CORO2A: variants seen among roughly 807,000 people sequenced by gnomAD.
The protein encoded by CORO2A is coronin-2A.
A neutral mutation model predicts 62.4 loss-of-function variants in CORO2A; 47 were observed. The observed-to-expected ratio is 0.75, with a 90% CI of 0.60 to 0.96. CORO2A has a LOEUF of 0.96. Among genes scored for constraint, CORO2A ranks in the 40% least tolerant of loss-of-function variants. The pLI is 0.00. For missense variants in CORO2A, 610 were observed against 684.1 expected (o/e 0.89, Z 1.21); for synonymous variants, 273 against 268.9 (o/e 1.02, Z -0.15).
In CORO2A at chr9:98,157,515, G is replaced by T. The variant is rs1311903625; in HGVS notation, c.146C>A (p.Ala49Glu). 3 of 1,614,214 alleles carry T rather than the reference G, an allele frequency of 1.9e-6. No homozygotes were observed. Among genetic ancestry groups the T allele is most frequent in the Non-Finnish European group, 2.5e-6 (3 of 1,180,038 alleles). Residue 49 changes from alanine to glutamate, a missense_variant, in exon 2 of 12, where the codon GCA becomes GAA. Coordinates refer to ENST00000375077, the MANE Select transcript of CORO2A (RefSeq NM_052820.4). ...TCCACCAGCACACTCAGTCACAACT[G>T]CAATGAAGTGGGGGTTCACGGCACA... ...HFCAVNPHFI[A>E]VVTECAGGGA...
chr9:98,130,588 G>A (rs1827390889), intron 7 of CORO2A, among the ~76,000 whole-genome samples: 1 of 152,260 alleles, frequency 6.6e-6, no homozygotes, highest in South Asian at 2.1e-4. Context: ...TAATGACTTG[G>A]ATGGAGGGGG....
At chr9:98,157,337 TAC>T in intron 2 of CORO2A, 121 bp downstream of exon 2, 1 of 840,404 alleles carries the variant, frequency 1.2e-6, no homozygotes, top group Non-Finnish European at 1.9e-6. Context: ...TGAAATGACT[TAC>T]TCAAGGTCAC....
intron 1 of CORO2A, among the ~76,000 whole-genome samples, chr9:98,182,922 A>C (rs1443640315): frequency 2.6e-5 from 4 of 152,250 alleles, no homozygotes; most frequent in African/African-American, 9.6e-5. Context: ...ATCTCACAAC[A>C]GATAAGCCCT....
rs530475445 is a variant in CORO2A, at chr9:98,174,013, G to A, written c.1-16353C>T. ...TGCCTGTAATCCCAGCTACTCGGGA[G>A]GGAGAATTGCTTGAACCTGGGAGGT... On this transcript the variant is annotated intron_variant, in intron 1 of 11. Coordinates refer to ENST00000375077, the MANE Select transcript of CORO2A (RefSeq NM_052820.4). 1.5e-4 allele frequency among the ~76,000 whole-genome samples: 23 copies of A among 152,290 alleles called. No individual in the cohort carries two copies. In the South Asian group the frequency reaches 3.7e-3, roughly 25 times the overall value.
Position 98,135,163 on chromosome 9 carries a change from C to T in CORO2A, c.319-208G>A, listed in dbSNP as rs931663738. On this transcript the variant is annotated intron_variant, in intron 3 of 11. Transcript: ENST00000375077. ...AGACAGGGGCTTCCCCAAGCTCCTC[C>T]AGCCTGAGCAGGGGCCAGCGCTGAC... Among the ~76,000 whole-genome samples the T allele has an allele frequency of 2.0e-5, 3 of 152,206 alleles. 1 individual carries two copies. The highest frequency in any genetic ancestry group is 4.4e-5 in the Non-Finnish European group (3 of 68,038).
chr9:98,136,653 C>T (rs750859127), intron 3 of CORO2A, among the ~76,000 whole-genome samples: 5 of 152,202 alleles, frequency 3.3e-5, no homozygotes, highest in Non-Finnish European at 7.3e-5. Flanking sequence ...CTTGCTCTGC[C>T]TCCCACAGGC....
intron 2 of CORO2A, among the ~76,000 whole-genome samples, chr9:98,142,455 G>T (rs1016508753): frequency 2.0e-5 from 3 of 152,110 alleles, no homozygotes; most frequent in African/African-American, 7.2e-5. Flanking sequence ...CCTTTCTCTG[G>T]GATCATTTCC....
At chr9:98,128,914 A>C (rs544261580) in intron 8 of CORO2A, among the ~76,000 whole-genome samples, 195 bp from the exon 9 acceptor site, 4 of 152,278 alleles carry the variant, frequency 2.6e-5, no homozygotes, top group African/African-American at 9.6e-5. Flanking sequence ...TTCACCTTCA[A>C]AGATTTAAAT....
intron 2 of CORO2A, among the ~76,000 whole-genome samples, chr9:98,143,581 C>T (rs929003993): frequency 6.6e-6 from 1 of 152,162 alleles, no homozygotes; most frequent in Non-Finnish European, 1.5e-5. Flanking sequence ...TCCTTATCTA[C>T]GAAATGACAA....
intron 5 of CORO2A, among the ~76,000 whole-genome samples, chr9:98,132,678 A>G (rs373187113): frequency 1.4e-4 from 22 of 152,342 alleles, no homozygotes; most frequent in African/African-American, 5.3e-4. Context: ...ACAGAGGCTC[A>G]GAGCAGGAAG....
intron 1 of CORO2A, among the ~76,000 whole-genome samples, chr9:98,186,285 G>C (rs2118943736): frequency 6.6e-6 from 1 of 152,238 alleles, no homozygotes; most frequent in South Asian, 2.1e-4. Flanking sequence ...GGCTGGCGGG[G>C]GGAGGGGCTA....
chr9:98,131,164 G>A (rs985658551), intron 6 of CORO2A, 105 bp from the exon 7 acceptor site: 2 of 703,228 alleles, frequency 2.8e-6, no homozygotes, highest in Non-Finnish European at 4.9e-6. Context: ...GCGAGAGTGT[G>A]TGTGTCAGAG....
At chr9:98,177,836 AGAGT>A (rs1449639549) in intron 1 of CORO2A, among the ~76,000 whole-genome samples, 1 of 152,150 alleles carries the variant, frequency 6.6e-6, no homozygotes, top group Admixed American at 6.5e-5. Context: ...ACGTATACAC[AGAGT>A]GAGATTCATC....
intron 1 of CORO2A, among the ~76,000 whole-genome samples, chr9:98,174,197 G>A (rs1039412322): frequency 3.5e-5 from 5 of 142,568 alleles, no homozygotes; most frequent in Admixed American, 7.6e-5. Flanking sequence ...CTCAATAAAC[G>A]GTAGCAACCA....
rs376036915 is a variant in CORO2A, at chr9:98,130,986, G to A, written c.839C>T (p.Ala280Val). The change falls in exon 7 of 12, where the codon GCG becomes GTG. Residue 280 changes from alanine to valine, a missense_variant. Coordinates refer to ENST00000375077, the MANE Select transcript of CORO2A (RefSeq NM_052820.4). ...SSGVLFPFYDADTSMLYVVGK... is the reference protein window; with the variant it reads ...SSGVLFPFYDVDTSMLYVVGK... ...CACCACGTAGAGCATGCTGGTGTCC[G>A]CGTCATAGAAGGGAAACAGCACGCC... 67 of 1,613,868 alleles carry A rather than the reference G, an allele frequency of 4.2e-5. No homozygotes were observed. Among genetic ancestry groups the A allele is most frequent in the Admixed American group, 6.7e-5 (4 of 59,988 alleles).
At chr9:98,142,393 A>T (rs147575964) in intron 2 of CORO2A, among the ~76,000 whole-genome samples, 265 of 152,368 alleles carry the variant, frequency 1.7e-3, no homozygotes, top group Non-Finnish European at 2.7e-3. Flanking sequence ...AGGGAGCACC[A>T]GTGAGTGCTC....
At chr9:98,187,696 C>A (rs1828257068) in intron 1 of CORO2A, among the ~76,000 whole-genome samples, 2 of 152,060 alleles carry the variant, frequency 1.3e-5, no homozygotes, top group African/African-American at 4.8e-5. Flanking sequence ...GCCTTCCTGA[C>A]CTAATTCCCT....
At chr9:98,169,716 AG>A (rs1288331141) in intron 1 of CORO2A, among the ~76,000 whole-genome samples, 2 of 152,192 alleles carry the variant, frequency 1.3e-5, no homozygotes, top group African/African-American at 4.8e-5. Context: ...TTTTCAAAAG[AG>A]AAGGGGAGAA....
At chr9:98,171,922 C>A (rs1326739807) in intron 1 of CORO2A, among the ~76,000 whole-genome samples, 1 of 152,040 alleles carries the variant, frequency 6.6e-6, no homozygotes, top group South Asian at 2.1e-4. Context: ...ATAGACTTAA[C>A]CCCTGCAATT....
Sources: gnomAD v4.1 joint callset for allele counts (sites outside exome capture counted in the v4.1 genomes callset) on GRCh38, gnomAD v4.1.1 for gene constraint, MANE v1.5 for transcripts, NCBI Gene and HGNC (gene_info 2026-07-23, HGNC 2026-07-21) for gene names.